The following TXNRD1 variants were observed in gnomAD, a reference collection of about 807,000 sequenced individuals.
TXNRD1 encodes the protein thioredoxin reductase 1, cytoplasmic.
A neutral mutation model predicts 80.3 loss-of-function variants in TXNRD1; 57 were observed. The ratio of observed to expected loss-of-function variants is 0.71; its 90% CI spans 0.57 to 0.89. The LOEUF (loss-of-function observed/expected upper bound fraction) is 0.89. Among genes scored for constraint, TXNRD1 ranks in the 40% least tolerant of loss-of-function variants. The probability of loss-of-function intolerance (pLI) is 0.00; values close to 1 mark genes in which losing one functional copy is unlikely to be tolerated. For synonymous variants in TXNRD1, 291 were observed against 285.2 expected, an observed-to-expected ratio of 1.02 and a Z score of -0.20; for missense variants, 730 against 803.0, an observed-to-expected ratio of 0.91 and a Z score of 1.10.
At chr12:104,294,690 AAAACTCGTG>A (rs2034380406) in intron 4 of TXNRD1, among the ~76,000 whole-genome samples, 1 of 152,136 alleles carries the variant, frequency 6.6e-6, no homozygotes. Context: ...GGCTGGTCTC[AAAACTCGTG>A]AGTTTAAGCC....
chr12:104,220,720 C>T (rs188571660), intron 1 of TXNRD1, among the ~76,000 whole-genome samples: 318 of 103,456 alleles, frequency 3.1e-3, no homozygotes, highest in African/African-American at 0.012. Context: ...AACGAAACTC[C>T]GTCTCCAAAA....
intron 3 of TXNRD1, chr12:104,265,847 G>T: frequency 1.4e-6 from 2 of 1,408,562 alleles, no homozygotes; most frequent in South Asian, 1.2e-5. Context: ...TAGGTGCAGG[G>T]CCCTCGTCCG....
chr12:104,256,396 A>G (rs74910266), intron 2 of TXNRD1, among the ~76,000 whole-genome samples: 5,375 of 152,294 alleles, frequency 0.035, 255 homozygotes, highest in African/African-American at 0.11. Context: ...TCAGAATTGC[A>G]ATATTTATTT....
chr12:104,215,913 C>A lies in TXNRD1; in HGVS notation c.91+20C>A. On this transcript the variant is annotated intron_variant, in intron 1 of 16. Coordinates refer to ENST00000525566, the MANE Select transcript of TXNRD1 (RefSeq NM_001093771.3). ...GGTCAGGTACGACCGAGGGCGAAGG[C>A]CTGGTCCCCAGGTCGACGGGCCGAA... 1 of 1,542,846 alleles carries A rather than the reference C, an allele frequency of 6.5e-7. No homozygotes were observed. The highest frequency in any genetic ancestry group is 1.2e-5 in the South Asian group (1 of 83,798).
chr12:104,336,449 G>C (rs1266886454), intron 15 of TXNRD1, among the ~76,000 whole-genome samples: 1 of 152,090 alleles, frequency 6.6e-6, no homozygotes, highest in Admixed American at 6.6e-5. Context: ...ACTATCCCTG[G>C]GGCGTGCTTT....
intron 4 of TXNRD1, among the ~76,000 whole-genome samples, chr12:104,300,131 C>T (rs1028059591): frequency 2.0e-5 from 3 of 152,166 alleles, no homozygotes; most frequent in Non-Finnish European, 4.4e-5. Context: ...AGACATGTGA[C>T]CTTTGTCATC....
intron 10 of TXNRD1, among the ~76,000 whole-genome samples, chr12:104,322,993 G>T (rs11490359): frequency 7.5e-6 from 1 of 133,408 alleles, no homozygotes; most frequent in Admixed American, 7.5e-5. Flanking sequence ...AGATTAGGGA[G>T]TGGTGATGAC....
intron 4 of TXNRD1, among the ~76,000 whole-genome samples, chr12:104,295,121 T>C: frequency 6.6e-6 from 1 of 152,220 alleles, no homozygotes; most frequent in Non-Finnish European, 1.5e-5. Flanking sequence ...ATTAGAGTCT[T>C]AGACTGTTAG....
intron 2 of TXNRD1, among the ~76,000 whole-genome samples, chr12:104,254,644 A>AAAAAAAAAATATATAT: frequency 2.1e-5 from 2 of 93,650 alleles, no homozygotes; most frequent in Non-Finnish European, 3.8e-5. Flanking sequence ...AAAAAAAAAA[A>AAAAAAAAAATATATAT]ATATATATAT....
At chr12:104,266,734 C>T (rs998154686) in intron 3 of TXNRD1, among the ~76,000 whole-genome samples, 10 of 151,488 alleles carry the variant, frequency 6.6e-5, no homozygotes, top group Non-Finnish European at 1.5e-4. Flanking sequence ...GAGGCCGAGG[C>T]GAGCGGATCA....
intron 4 of TXNRD1, chr12:104,291,006 A>T: frequency 1.5e-6 from 1 of 668,754 alleles, no homozygotes; most frequent in East Asian, 2.8e-5. Flanking sequence ...TGGAGGTCTC[A>T]TTATGTTGTC....
chr12:104,223,915 T>C (rs1254356125), intron 1 of TXNRD1, among the ~76,000 whole-genome samples: 3 of 152,130 alleles, frequency 2.0e-5, no homozygotes, highest in Non-Finnish European at 2.9e-5. Context: ...TGGCCCTGGG[T>C]GTGGGCAGAG....
At chr12:104,266,331 T>A (rs1273547876) in intron 3 of TXNRD1, among the ~76,000 whole-genome samples, 1 of 151,556 alleles carries the variant, frequency 6.6e-6, no homozygotes, top group Non-Finnish European at 1.5e-5. Context: ...ATCGAGACCA[T>A]CCTGGCCAAC....
In TXNRD1 at chr12:104,254,644, AATATATAT is replaced by A. The variant is rs1178469026; in HGVS notation, c.243+2981_243+2988del. Among the ~76,000 whole-genome samples, 39 of 93,614 alleles carry A rather than the reference AATATATAT, an allele frequency of 4.2e-4. 3 individuals carry two copies. The highest frequency in any genetic ancestry group is 1.9e-3 in the East Asian group (7 of 3,670). 61.4% of individuals were successfully genotyped at this position (93,614 alleles called of 152,430 possible). Reference sequence around the variant, plus strand: ...CTATGTCTATGGAAAAAAAAAAAAAAATATATATATATATATATATATCAGCATGGTTT... The same window carrying A: ...CTATGTCTATGGAAAAAAAAAAAAAAATATATATATATATCAGCATGGTTT... On this transcript the variant is annotated intron_variant, in intron 2 of 16. Coordinates refer to ENST00000525566, the MANE Select transcript of TXNRD1 (RefSeq NM_001093771.3).
intron 3 of TXNRD1, among the ~76,000 whole-genome samples, chr12:104,281,989 C>T (rs934617244): frequency 1.2e-4 from 19 of 152,032 alleles, no homozygotes; most frequent in Non-Finnish European, 8.8e-5. Context: ...TAGCTTAGGG[C>T]TTTAGTATGT....
intron 16 of TXNRD1, among the ~76,000 whole-genome samples, chr12:104,342,626 T>C (rs1187777435): frequency 1.4e-5 from 2 of 141,158 alleles, no homozygotes; most frequent in African/African-American, 5.3e-5. Flanking sequence ...TTGGCATAGC[T>C]TAAAGAGCTT....
intron 3 of TXNRD1, chr12:104,265,364 C>A (rs1207442394): frequency 1.2e-6 from 2 of 1,608,304 alleles, no homozygotes; most frequent in South Asian, 2.2e-5. Context: ...TGCCTGCCCA[C>A]CCCCAAATGC....
At chr12:104,240,316 A>G (rs954292426) in intron 1 of TXNRD1, among the ~76,000 whole-genome samples, 1 of 152,114 alleles carries the variant, frequency 6.6e-6, no homozygotes, top group Non-Finnish European at 1.5e-5. Context: ...CTGTTGAAAT[A>G]CAGTGTAACC....
chr12:104,296,248 A>G (rs541171508), intron 4 of TXNRD1, among the ~76,000 whole-genome samples: 1 of 152,214 alleles, frequency 6.6e-6, no homozygotes, highest in African/African-American at 2.4e-5. Flanking sequence ...GGCCCATGCA[A>G]ATCTTGGTAT....
Sources: gnomAD v4.1 joint callset for allele counts (sites outside exome capture counted in the v4.1 genomes callset) on GRCh38, gnomAD v4.1.1 for gene constraint, MANE v1.5 for transcripts, NCBI Gene and HGNC (gene_info 2026-07-23, HGNC 2026-07-21) for gene names.